SNAP25: variants seen among roughly 807,000 people sequenced by gnomAD.
SNAP25 encodes the protein synaptosome associated protein 25.
Under a neutral mutation model 28.7 loss-of-function variants are expected in SNAP25, and 3 were observed. The observed-to-expected ratio is 0.10, with a 90% CI of 0.05 to 0.27. The LOEUF is 0.27. Ranked by LOEUF, SNAP25 falls within the 10% of genes least tolerant of loss-of-function variation. The pLI, the probability that SNAP25 is intolerant of heterozygous loss-of-function variation, is 1.00. For synonymous variants in SNAP25, 61 were observed against 88.1 expected (o/e 0.69, Z 1.72); for missense variants, 117 against 278.7 (o/e 0.42, Z 4.13).
intron 1 of SNAP25, among the ~76,000 whole-genome samples, chr20:10,241,415 A>G (rs1399680906): frequency 6.6e-6 from 1 of 151,966 alleles, no homozygotes; most frequent in African/African-American, 2.4e-5. Flanking sequence ...CATCTATTAC[A>G]TGCCTAGTGC....
At chr20:10,283,726 G>A (rs1030118498) in intron 3 of SNAP25, among the ~76,000 whole-genome samples, 1 of 152,130 alleles carries the variant, frequency 6.6e-6, no homozygotes, top group Non-Finnish European at 1.5e-5. Context: ...CATGAGAGAG[G>A]TCCTAGCTTA....
intron 3 of SNAP25, among the ~76,000 whole-genome samples, chr20:10,283,904 T>C (rs1423447735): frequency 6.6e-6 from 1 of 152,210 alleles, no homozygotes; most frequent in South Asian, 2.1e-4. Flanking sequence ...CAGATATCTT[T>C]GTTCCTTCTG....
At chr20:10,270,450 G>C (rs2063574037) in intron 1 of SNAP25, among the ~76,000 whole-genome samples, 1 of 152,120 alleles carries the variant, frequency 6.6e-6, no homozygotes, top group African/African-American at 2.4e-5. Flanking sequence ...TGTAATACCA[G>C]CACTTTGGGA....
In SNAP25 at chr20:10,307,046, A is replaced by G. The variant is rs529416970; in HGVS notation, c.*849A>G. On this transcript the variant is annotated 3_prime_UTR_variant, in exon 8 of 8. Transcript: ENST00000254976. ...GCAAAATATATGTTTGGCTGAAATTATGTCAAATGGATGTAATATAGGGTT... is the reference window on the plus strand; with the variant it reads ...GCAAAATATATGTTTGGCTGAAATTGTGTCAAATGGATGTAATATAGGGTT... The G allele has an allele frequency of 2.0e-5, 3 of 152,626 alleles. No individual in the cohort carries two copies. The South Asian group carries it at 6.2e-4, about 32-fold the overall frequency. 9.5% of individuals were successfully genotyped at this position (152,626 alleles called of 1,614,324 possible).
chr20:10,243,340 C>T (rs1359609740), intron 1 of SNAP25, among the ~76,000 whole-genome samples: 2 of 152,146 alleles, frequency 1.3e-5, no homozygotes, highest in East Asian at 1.9e-4. Context: ...CAATTACAAC[C>T]AAGAAACCAA....
intron 1 of SNAP25, among the ~76,000 whole-genome samples, chr20:10,224,882 G>A (rs1054229836): frequency 2.0e-4 from 31 of 151,558 alleles, no homozygotes; most frequent in African/African-American, 6.8e-4. Flanking sequence ...TGATCATCTC[G>A]TGTGTCTGAC....
chr20:10,287,316 AAAAC>A (rs2063899945), intron 4 of SNAP25, among the ~76,000 whole-genome samples: 1 of 152,156 alleles, frequency 6.6e-6, no homozygotes. Context: ...TTACAAGAAA[AAAAC>A]AAATAACCCC....
At position 10,307,347 on chromosome 20, in the gene SNAP25, TCTC is replaced by T. The variant is rs1362765551; in HGVS notation, c.*1154_*1156del. The T allele has an allele frequency of 1.3e-5, 2 of 152,668 alleles. No homozygotes were observed. The highest frequency in any genetic ancestry group is 4.8e-5 in the African/African-American group (2 of 41,456). The allele number at this position is 152,668 out of a possible 1,614,324, so 9.5% of individuals were successfully genotyped here. On this transcript the variant is annotated 3_prime_UTR_variant, in exon 8 of 8. Coordinates refer to ENST00000254976, the MANE Select transcript of SNAP25 (RefSeq NM_130811.4). ...AGCATGTAATATTAAATTCCTCCTG[TCTC>T]CTCTGTCAGTTTGTGAAGTGATTGA...
At chr20:10,226,073 T>C (rs1338764084) in intron 1 of SNAP25, among the ~76,000 whole-genome samples, 1 of 152,154 alleles carries the variant, frequency 6.6e-6, no homozygotes, top group Non-Finnish European at 1.5e-5. Context: ...TCATCTTTGG[T>C]ACAGTTTCAA....
intron 1 of SNAP25, among the ~76,000 whole-genome samples, chr20:10,274,163 T>G (rs1223546698): frequency 1.3e-5 from 2 of 152,148 alleles, no homozygotes; most frequent in African/African-American, 2.4e-5. Flanking sequence ...GAGGGCTCTC[T>G]CCGGAATAGA....
chr20:10,242,540 G>C (rs1030173965), intron 1 of SNAP25, among the ~76,000 whole-genome samples: 2 of 152,178 alleles, frequency 1.3e-5, no homozygotes, highest in Non-Finnish European at 2.9e-5. Context: ...TCTGGGCAGA[G>C]CACCTCCAGC....
intron 1 of SNAP25, among the ~76,000 whole-genome samples, chr20:10,245,355 G>A (rs145486761): frequency 3.4e-4 from 51 of 152,192 alleles, no homozygotes; most frequent in African/African-American, 1.2e-3. Context: ...GGAACTGATC[G>A]CCGGTATAAA....
chr20:10,292,995 A>G (rs1418909793), intron 4 of SNAP25, 166 bp from the exon 5 acceptor site: 1 of 1,601,216 alleles, frequency 6.2e-7, no homozygotes, highest in Non-Finnish European at 8.5e-7. Flanking sequence ...ATGTCCTTGT[A>G]ACAAGTAGGT....
At position 10,231,829 on chromosome 20, in the gene SNAP25, C is replaced by A. The variant is rs1320181374; in HGVS notation, c.-64+12852C>A. On this transcript the variant is annotated intron_variant, in intron 1 of 7. Transcript: ENST00000254976. Reference sequence around the variant, plus strand: ...GGATGCTCAACTGGTAAACATAATGCAAATATTACAAAATCTAAAAATATC... The same window carrying A: ...GGATGCTCAACTGGTAAACATAATGAAAATATTACAAAATCTAAAAATATC... Among the ~76,000 whole-genome samples the A allele has an allele frequency of 2.6e-5, 4 of 152,232 alleles. No homozygotes were observed. The South Asian group carries it at 6.2e-4, about 24-fold the overall frequency.
In SNAP25 at chr20:10,231,406, A is replaced by G. The variant is rs528717601; in HGVS notation, c.-64+12429A>G. 3 of 152,366 alleles carry G rather than the reference A, an allele frequency of 2.0e-5. No homozygotes were observed. The East Asian group carries it at 5.8e-4, about 29-fold the overall frequency. The allele number at this position is 152,366 out of a possible 1,614,324, so 9.4% of individuals were successfully genotyped here. On this transcript the variant is annotated intron_variant, in intron 1 of 7. Coordinates refer to ENST00000254976, the MANE Select transcript of SNAP25 (RefSeq NM_130811.4). ...AGGCCCAGAGATAAATTTCACACCA[A>G]GGTCACAGGGTGAGCACTGCAGCCA...
chr20:10,261,438 G>T (rs1331454010), intron 1 of SNAP25, among the ~76,000 whole-genome samples: 1 of 152,058 alleles, frequency 6.6e-6, no homozygotes, highest in African/African-American at 2.4e-5. Context: ...CCTCTACATG[G>T]GTCAGACATA....
At chr20:10,265,783 C>G (rs2048648511) in intron 1 of SNAP25, among the ~76,000 whole-genome samples, 1 of 152,158 alleles carries the variant, frequency 6.6e-6, no homozygotes, top group Non-Finnish European at 1.5e-5. Flanking sequence ...AAGGTGGGAA[C>G]TCCACCTCTC....
intron 1 of SNAP25, among the ~76,000 whole-genome samples, chr20:10,262,979 G>T (rs1442622910): frequency 2.0e-5 from 3 of 147,322 alleles, no homozygotes; most frequent in East Asian, 2.0e-4. Flanking sequence ...GCCACTCCCA[G>T]TGGATCAGGC....
chr20:10,301,926 A>T (rs972935057), intron 7 of SNAP25, among the ~76,000 whole-genome samples: 1 of 148,104 alleles, frequency 6.8e-6, no homozygotes, highest in Non-Finnish European at 1.5e-5. Context: ...TATAAAAACC[A>T]TATATAAAAA....
Sources: allele counts gnomAD v4.1 joint callset (sites outside exome capture counted in the v4.1 genomes callset), GRCh38; gene constraint gnomAD v4.1.1; transcripts MANE v1.5; gene names NCBI Gene and HGNC (gene_info 2026-07-23, HGNC 2026-07-21).